The following GALNT13 variants were observed in gnomAD, a reference collection of about 807,000 sequenced individuals.
GALNT13 encodes polypeptide N-acetylgalactosaminyltransferase 13.
In GALNT13, 28 loss-of-function variants were observed where a neutral mutation model predicts 64.2. That is an observed-to-expected ratio of 0.44 (90% CI 0.32 to 0.60). GALNT13 has a LOEUF of 0.60. GALNT13 is among the 20% of genes least tolerant of loss of function. GALNT13 has a pLI of 0.05. For synonymous variants in GALNT13, 214 were observed against 224.6 expected, an observed-to-expected ratio of 0.95 and a Z score of 0.42; for missense variants, 577 against 669.8, an observed-to-expected ratio of 0.86 and a Z score of 1.53.
At chr2:153,508,345 A>G in the GALNT13 span, among the ~76,000 whole-genome samples, 2 of 152,122 alleles carry the variant, frequency 1.3e-5, no homozygotes, top group African/African-American at 4.8e-5. Context: ...GCAGGGATAG[A>G]CATGTCTGAG....
At chr2:153,360,331 G>T in the GALNT13 span, among the ~76,000 whole-genome samples, 1 of 152,198 alleles carries the variant, frequency 6.6e-6, no homozygotes, top group Non-Finnish European at 1.5e-5. Flanking sequence ...GGGGCCTGGG[G>T]TCCAAACCAC....
chr2:153,948,012 G>T (rs1381541197), intron 3 of GALNT13, among the ~76,000 whole-genome samples: 3 of 151,830 alleles, frequency 2.0e-5, no homozygotes, highest in African/African-American at 4.8e-5. Flanking sequence ...CTTATTTCTG[G>T]GTTCTGTATT....
chr2:153,318,770 T>C, the GALNT13 span, among the ~76,000 whole-genome samples: 18 of 152,326 alleles, frequency 1.2e-4, no homozygotes, highest in African/African-American at 3.8e-4. Context: ...GACACAGAAT[T>C]ACTAAGATGT....
the GALNT13 span, among the ~76,000 whole-genome samples, chr2:153,111,636 C>T: frequency 6.6e-6 from 1 of 152,024 alleles, no homozygotes; most frequent in African/African-American, 2.4e-5. Context: ...TGGGTACAGT[C>T]TAGGTAAACT....
At chr2:153,494,441 C>A in the GALNT13 span, among the ~76,000 whole-genome samples, 40 of 151,854 alleles carry the variant, frequency 2.6e-4, no homozygotes, top group African/African-American at 9.7e-4. Context: ...AATAGAGGGT[C>A]TAGAAATAAA....
chr2:153,475,581 T>G, the GALNT13 span, among the ~76,000 whole-genome samples: 1 of 152,218 alleles, frequency 6.6e-6, no homozygotes, highest in Non-Finnish European at 1.5e-5. Context: ...TTGTTTTAAA[T>G]GAAAACCTGT....
chr2:153,896,081 A>ATATATATATTTTTTTTTTTTTTTTTTT (rs1574065409), intron 1 of GALNT13, among the ~76,000 whole-genome samples: 2 of 136,806 alleles, frequency 1.5e-5, no homozygotes, highest in Non-Finnish European at 3.1e-5. Flanking sequence ...ATGATTTTAT[A>ATATATATATTTTTTTTTTTTTTTTTTT]TTTTTATGTT....
rs115090093 is a variant in GALNT13, at chr2:154,202,629, A to T, written c.312-39401A>T. 4.9e-3 allele frequency among the ~76,000 whole-genome samples: 744 copies of T among 152,240 alleles called. 9 individuals carry two copies. Among genetic ancestry groups the T allele is most frequent in the African/African-American group, 0.017 (707 of 41,558 alleles). On this transcript the variant is annotated intron_variant, in intron 4 of 12. Transcript: ENST00000392825. ...TAACACCAAGATCCAAGCTTTCTTC[A>T]CTATGAAGATTTTATAAGCATATAT... is the stretch of plus-strand genomic sequence containing the variant.
chr2:153,994,419 T>C (rs1377352732), intron 3 of GALNT13, among the ~76,000 whole-genome samples: 1 of 152,234 alleles, frequency 6.6e-6, no homozygotes, highest in Non-Finnish European at 1.5e-5. Context: ...TATAATCCTT[T>C]GGGTGTATAC....
At chr2:154,216,238 G>C (rs1190650217) in intron 4 of GALNT13, among the ~76,000 whole-genome samples, 3 of 152,030 alleles carry the variant, frequency 2.0e-5, no homozygotes, top group African/African-American at 7.2e-5. Context: ...ATTAGATTCA[G>C]AGTGTATTAT....
the GALNT13 span, among the ~76,000 whole-genome samples, chr2:153,337,550 T>C: frequency 6.6e-6 from 1 of 152,202 alleles, no homozygotes; most frequent in Non-Finnish European, 1.5e-5. Context: ...TCTCAGCAAG[T>C]GCAATGAATG....
chr2:153,426,784 A>G, the GALNT13 span, among the ~76,000 whole-genome samples: 9 of 152,036 alleles, frequency 5.9e-5, no homozygotes, highest in Non-Finnish European at 1.0e-4. Flanking sequence ...GAATTGGACA[A>G]TTCAGAGCAA....
At position 154,206,158 on chromosome 2, in the gene GALNT13, C is replaced by T. The variant is rs148758153; in HGVS notation, c.312-35872C>T. On this transcript the variant is annotated intron_variant, in intron 4 of 12. Transcript: ENST00000392825. ...GATTACAGGCGCCCGCCACCACGCC[C>T]GGCTAATTTTTCTATTTTTTTTATA... Among the ~76,000 whole-genome samples the T allele has an allele frequency of 4.7e-3, 711 of 151,744 alleles. 5 individuals are homozygous for T. The highest frequency in any genetic ancestry group is 0.016 in the African/African-American group (649 of 41,412).
chr2:154,215,759 T>C (rs975160224), intron 4 of GALNT13, among the ~76,000 whole-genome samples: 7 of 152,150 alleles, frequency 4.6e-5, no homozygotes, highest in Non-Finnish European at 8.8e-5. Context: ...GGTCTATTAA[T>C]AAATGTTTAC....
At chr2:153,737,512 G>A in the GALNT13 span, among the ~76,000 whole-genome samples, 1 of 151,318 alleles carries the variant, frequency 6.6e-6, no homozygotes. Flanking sequence ...TATCTCCTAG[G>A]TTGCATACAT....
At chr2:153,839,953 G>A in the GALNT13 span, among the ~76,000 whole-genome samples, 5 of 151,948 alleles carry the variant, frequency 3.3e-5, no homozygotes, top group African/African-American at 7.2e-5. Context: ...ACTTAGTGAC[G>A]GGGCAAACCT....
the GALNT13 span, among the ~76,000 whole-genome samples, chr2:153,756,448 G>T: frequency 1.3e-5 from 2 of 151,976 alleles, no homozygotes; most frequent in African/African-American, 2.4e-5. Flanking sequence ...ATCAAACATC[G>T]ATTTCAGTTT....
At chr2:153,374,263 G>A in the GALNT13 span, among the ~76,000 whole-genome samples, 65 of 152,124 alleles carry the variant, frequency 4.3e-4, no homozygotes, top group South Asian at 8.3e-4. Flanking sequence ...CTTGTTACCT[G>A]TTAGCCATCC....
the GALNT13 span, among the ~76,000 whole-genome samples, chr2:153,706,961 G>A: frequency 9.9e-5 from 15 of 152,134 alleles, no homozygotes; most frequent in Non-Finnish European, 2.1e-4. Context: ...CTGGTGGGAG[G>A]TAATTGAATC....
Sources: allele counts gnomAD v4.1 joint callset (sites outside exome capture counted in the v4.1 genomes callset), GRCh38; gene constraint gnomAD v4.1.1; transcripts MANE v1.5; gene names NCBI Gene and HGNC (gene_info 2026-07-23, HGNC 2026-07-21).